ZNF366: variants seen among roughly 807,000 people sequenced by gnomAD.
ZNF366 encodes dendritic cell-specific transcript protein.
In ZNF366, 20 loss-of-function variants were observed where a neutral mutation model predicts 47.2. That is an observed-to-expected ratio of 0.42 (90% confidence interval 0.30 to 0.62). The LOEUF is 0.62. Among genes scored for constraint, ZNF366 ranks in the 20% least tolerant of loss-of-function variants. ZNF366 has a pLI of 0.16. For synonymous variants in ZNF366, 421 were observed against 395.1 expected (o/e 1.07, Z -0.78); for missense variants, 987 against 976.3 (o/e 1.01, Z -0.15).
At position 72,461,385 on chromosome 5, in the gene ZNF366, C is replaced by G. The variant is rs759320708; in HGVS notation, c.112G>C (p.Ala38Pro). The change falls in exon 2 of 5, where the codon GCT (alanine) becomes CCT (proline). Residue 38 changes from alanine (A) to proline (P), a missense_variant. This residue lies in a region of ZNF366 where 591 missense variants were observed against 560.9 expected (regional missense o/e 1.05). Transcript: ENST00000318442. ...TCCGGGAAGGGGTGTCTTTGGGGAG[C>G]CTTTCCCCGAGAAGCCACTGGCTGC... ...CLQPVASRGKAPQRHPFPEAL... is the reference protein window; with the variant it reads ...CLQPVASRGKPPQRHPFPEAL... 204 of 1,613,622 alleles carry G rather than the reference C, an allele frequency of 1.3e-4. No homozygotes were observed. Among genetic ancestry groups the G allele is most frequent in the Non-Finnish European group, 1.7e-4 (200 of 1,179,836 alleles).
chr5:72,504,206 T>G (rs1744274852), intron 1 of ZNF366, among the ~76,000 whole-genome samples: 1 of 152,146 alleles, frequency 6.6e-6, no homozygotes. Context: ...GAACCCCAAG[T>G]GTGCTCAGCC....
intron 1 of ZNF366, among the ~76,000 whole-genome samples, chr5:72,468,563 A>G (rs1173198991): frequency 1.3e-5 from 2 of 152,264 alleles, no homozygotes; most frequent in Non-Finnish European, 2.9e-5. Flanking sequence ...CATAATGAAC[A>G]TGCATATTTA....
chr5:72,501,997 T>C (rs572329030), intron 1 of ZNF366, among the ~76,000 whole-genome samples: 23 of 152,282 alleles, frequency 1.5e-4, no homozygotes, highest in African/African-American at 5.3e-4. Flanking sequence ...TCCATCAAGC[T>C]GGCAGTTTGG....
intron 1 of ZNF366, among the ~76,000 whole-genome samples, chr5:72,477,899 T>C (rs1370011618): frequency 6.6e-6 from 1 of 152,236 alleles, no homozygotes; most frequent in African/African-American, 2.4e-5. Flanking sequence ...TGGGCTGGAT[T>C]TGACCTGAGG....
At chr5:72,473,237 G>A (rs1350786262) in intron 1 of ZNF366, among the ~76,000 whole-genome samples, 1 of 152,186 alleles carries the variant, frequency 6.6e-6, no homozygotes, top group Non-Finnish European at 1.5e-5. Context: ...GGAACAATGA[G>A]GCAACAATGC....
chr5:72,469,336 T>A, intron 1 of ZNF366, among the ~76,000 whole-genome samples: 1 of 152,196 alleles, frequency 6.6e-6, no homozygotes, highest in Middle Eastern at 3.2e-3. Context: ...TGAATTTTAC[T>A]GAATTTAAAT....
At chr5:72,449,525 C>T (rs1232967194) in intron 3 of ZNF366, among the ~76,000 whole-genome samples, 1 of 152,234 alleles carries the variant, frequency 6.6e-6, no homozygotes, top group Non-Finnish European at 1.5e-5. Flanking sequence ...GGGTAAGCCA[C>T]CATGCCAGGC....
intron 2 of ZNF366, among the ~76,000 whole-genome samples, chr5:72,458,317 G>A (rs1743232755): frequency 6.6e-6 from 1 of 152,114 alleles, no homozygotes; most frequent in Non-Finnish European, 1.5e-5. Context: ...CGCCCGGCCA[G>A]CATCTTTCTT....
chr5:72,464,708 C>T lies in ZNF366; in HGVS notation c.-14-3198G>A, dbSNP rs183426516. Among the ~76,000 whole-genome samples the T allele has an allele frequency of 1.2e-3, 177 of 152,250 alleles. 1 individual carries two copies. The highest frequency in any genetic ancestry group is 3.5e-3 in the Admixed American group (54 of 15,292). ...GTGTATGTATAATGATTCTCCCACC[C>T]TTAAAATAGTAGTCTGTGCACACTA... is the stretch of plus-strand genomic sequence containing the variant. On this transcript the variant is annotated intron_variant, in intron 1 of 4. Transcript: ENST00000318442.
intron 2 of ZNF366, among the ~76,000 whole-genome samples, chr5:72,457,087 A>G (rs1398305668): frequency 6.6e-6 from 1 of 152,160 alleles, no homozygotes; most frequent in Non-Finnish European, 1.5e-5. Context: ...ACTGCAGTAA[A>G]TTACAACTTA....
chr5:72,456,200 G>C (rs1349078703), intron 3 of ZNF366, among the ~76,000 whole-genome samples: 2 of 152,170 alleles, frequency 1.3e-5, no homozygotes, highest in South Asian at 2.1e-4. Flanking sequence ...AATAGGGCAG[G>C]CTCCTTAGGG....
At chr5:72,497,572 T>G (rs1344172688) in intron 1 of ZNF366, among the ~76,000 whole-genome samples, 2 of 152,166 alleles carry the variant, frequency 1.3e-5, no homozygotes, top group Non-Finnish European at 2.9e-5. Flanking sequence ...TTTCTAATTA[T>G]TTTCTGTCCA....
Position 72,460,375 on chromosome 5 carries a change from G to A in ZNF366, c.1122C>T (p.Phe374=), listed in dbSNP as rs377458481. ...ENICVECGLD[F]PTLAQLKRHL... is the part of the protein sequence containing the mutation. ...GTCTCTTCAGCTGGGCCAAGGTGGG[G>A]AAGTCGAGGCCGCACTCCACACAGA... is the stretch of plus-strand genomic sequence containing the variant. The change falls in exon 2 of 5, where the codon TTC becomes TTT. Residue 374 remains phenylalanine, a synonymous_variant. Coordinates refer to ENST00000318442, the MANE Select transcript of ZNF366 (RefSeq NM_152625.3). The A allele has an allele frequency of 1.9e-5, 31 of 1,614,132 alleles. No individual in the cohort carries two copies. Among genetic ancestry groups the A allele is most frequent in the Admixed American group, 1.3e-4 (8 of 60,016 alleles).
intron 1 of ZNF366, among the ~76,000 whole-genome samples, chr5:72,467,248 A>G (rs1743448975): frequency 6.6e-6 from 1 of 152,248 alleles, no homozygotes; most frequent in Non-Finnish European, 1.5e-5. Flanking sequence ...AAATAGTTTG[A>G]AAAGGAAAAT....
Position 72,460,670 on chromosome 5 carries a change from C to CT in ZNF366, c.826dup (p.Ser276LysfsTer175). ...CGTGCACGCGTGCGGCTTGATCCCA[C>CT]TGTGGCCCAGGATGTGGGTGACCAG... On this transcript the variant is annotated frameshift_variant, in exon 2 of 5. Coordinates refer to ENST00000318442, the MANE Select transcript of ZNF366 (RefSeq NM_152625.3). LOFTEE classifies it high-confidence loss of function. 6.2e-7 allele frequency: 1 copy of CT among 1,614,252 alleles called. No homozygotes were observed. The highest frequency in any genetic ancestry group is 8.5e-7 in the Non-Finnish European group (1 of 1,180,040).
chr5:72,501,498 A>G (rs1744209456), intron 1 of ZNF366, among the ~76,000 whole-genome samples: 1 of 152,240 alleles, frequency 6.6e-6, no homozygotes, highest in South Asian at 2.1e-4. Flanking sequence ...AAATAAGTAT[A>G]AAACTGACTC....
intron 1 of ZNF366, among the ~76,000 whole-genome samples, chr5:72,464,261 G>A (rs533608666): frequency 3.3e-5 from 5 of 152,254 alleles, no homozygotes; most frequent in Admixed American, 2.0e-4. Flanking sequence ...GGCTAATGAC[G>A]TGTTGTATCT....
rs546667084 is a variant in ZNF366 at position 72,506,197 on chromosome 5, G to A, written c.-15+1054C>T. On this transcript the variant is annotated intron_variant, in intron 1 of 4. Coordinates refer to ENST00000318442, the MANE Select transcript of ZNF366 (RefSeq NM_152625.3). ...TCATAGCAGTGAATATTTTTAAAAAGTATGCTTGGCCATTGGCTTTTACCC... is the reference window on the plus strand; with the variant it reads ...TCATAGCAGTGAATATTTTTAAAAAATATGCTTGGCCATTGGCTTTTACCC... 2.0e-5 allele frequency among the ~76,000 whole-genome samples: 3 copies of A among 152,314 alleles called. No homozygotes were observed. In the South Asian group the frequency reaches 6.2e-4, roughly 32 times the overall value.
chr5:72,463,004 C>T (rs1743358410), intron 1 of ZNF366, among the ~76,000 whole-genome samples: 1 of 152,236 alleles, frequency 6.6e-6, no homozygotes, highest in Non-Finnish European at 1.5e-5. Flanking sequence ...AGCCAGCTGG[C>T]TTGGCCAGGT....
Sources: allele counts gnomAD v4.1 joint callset (sites outside exome capture counted in the v4.1 genomes callset), GRCh38; gene constraint gnomAD v4.1.1; regional missense constraint gnomAD v4.1.1; transcripts MANE v1.5; gene names NCBI Gene and HGNC (gene_info 2026-07-23, HGNC 2026-07-21).